The following ARHGAP31 variants were observed in gnomAD, a reference collection of about 807,000 sequenced individuals.
ARHGAP31 encodes the protein Rho GTPase activating protein 31.
ARHGAP31 carries 34 observed loss-of-function variants against 113.9 expected under a neutral mutation model. That is an observed-to-expected ratio of 0.30 (90% CI 0.23 to 0.40). The LOEUF is 0.40. Among genes scored for constraint, ARHGAP31 ranks in the 10% least tolerant of loss-of-function variants. ARHGAP31 has a pLI of 1.00. For synonymous variants in ARHGAP31, 650 were observed against 684.8 expected (o/e 0.95, Z 0.79); for missense variants, 1,548 against 1,767.1 (o/e 0.88, Z 2.22).
At chr3:119,392,858 C>A (rs755565051) in intron 7 of ARHGAP31, among the ~76,000 whole-genome samples, 5 of 152,236 alleles carry the variant, frequency 3.3e-5, no homozygotes, top group Non-Finnish European at 5.9e-5. Context: ...CACCAGCCCT[C>A]TCTTTGCCTG....
chr3:119,311,338 T>G (rs1299565880), intron 1 of ARHGAP31, among the ~76,000 whole-genome samples: 1 of 152,190 alleles, frequency 6.6e-6, no homozygotes, highest in African/African-American at 2.4e-5. Flanking sequence ...CCTTCCTCAT[T>G]CCTTGACTCA....
chr3:119,301,148 C>T (rs1223737338), intron 1 of ARHGAP31, among the ~76,000 whole-genome samples: 1 of 152,218 alleles, frequency 6.6e-6, no homozygotes, highest in Non-Finnish European at 1.5e-5. Context: ...CTTCCACATG[C>T]CTCCCTTCTG....
At chr3:119,321,295 A>T (rs553145856) in intron 1 of ARHGAP31, among the ~76,000 whole-genome samples, 18 of 140,932 alleles carry the variant, frequency 1.3e-4, no homozygotes, top group African/African-American at 4.4e-4. Context: ...ATATATATAT[A>T]GTATATATAT....
At chr3:119,298,752 C>T in intron 1 of ARHGAP31, 1 of 163,700 alleles carries the variant, frequency 6.1e-6, no homozygotes, top group South Asian at 1.5e-4. Context: ...CGCCCAATGC[C>T]TGCCCAAGGA....
Position 119,350,151 on chromosome 3 carries a change from A to G in ARHGAP31, c.101-15165A>G, listed in dbSNP as rs553872079. ...ACTGAACAAGCTCATGGAAGAAATG[A>G]ATTGCCTGAAAAGGGTTACAAACTG... On this transcript the variant is annotated intron_variant, in intron 1 of 11. Coordinates refer to ENST00000264245, the MANE Select transcript of ARHGAP31 (RefSeq NM_020754.4). Among the ~76,000 whole-genome samples the G allele has an allele frequency of 3.3e-5, 5 of 152,300 alleles. No individual in the cohort carries two copies. The East Asian group carries it at 9.6e-4, about 29-fold the overall frequency.
intron 1 of ARHGAP31, among the ~76,000 whole-genome samples, chr3:119,318,433 T>C (rs529399035): frequency 1.3e-5 from 2 of 152,366 alleles, no homozygotes; most frequent in East Asian, 3.9e-4. Context: ...TGCTCTGATC[T>C]TTTTAAAAAC....
intron 1 of ARHGAP31, among the ~76,000 whole-genome samples, chr3:119,349,789 T>C (rs1470578165): frequency 6.6e-6 from 1 of 152,184 alleles, no homozygotes; most frequent in Non-Finnish European, 1.5e-5. Context: ...CAGGGGAATC[T>C]CCTGGAGTCT....
chr3:119,378,440 T>C (rs1183231275), intron 3 of ARHGAP31, among the ~76,000 whole-genome samples: 1 of 152,196 alleles, frequency 6.6e-6, no homozygotes, highest in Non-Finnish European at 1.5e-5. Flanking sequence ...GCCCCGCCTC[T>C]TGGAGAACAA....
At chr3:119,354,499 TGTGTGTG>T (rs1426403238) in intron 1 of ARHGAP31, among the ~76,000 whole-genome samples, 1 of 147,098 alleles carries the variant, frequency 6.8e-6, no homozygotes, top group Non-Finnish European at 1.5e-5. Flanking sequence ...TGTGTGTGTG[TGTGTGTG>T]GTTTTTATGT....
chr3:119,357,073 T>C (rs978837412), intron 1 of ARHGAP31, among the ~76,000 whole-genome samples: 5 of 152,328 alleles, frequency 3.3e-5, no homozygotes, highest in Non-Finnish European at 5.9e-5. Context: ...CAAACTTAGG[T>C]ACCTTTGCCA....
intron 1 of ARHGAP31, among the ~76,000 whole-genome samples, chr3:119,316,358 C>G (rs1209349379): frequency 6.6e-6 from 1 of 152,210 alleles, no homozygotes; most frequent in South Asian, 2.1e-4. Context: ...ATAACTTTCT[C>G]TAAACAGAAC....
rs142601785 is a variant in ARHGAP31, at chr3:119,331,052, C to A, written c.101-34264C>A. On this transcript the variant is annotated intron_variant, in intron 1 of 11. Transcript: ENST00000264245. ...TGGTGGGAGTGAGGTTGTTTATAAT[C>A]TTTCAGATTAAAATGTCATTGGGTG... Among the ~76,000 whole-genome samples the A allele has an allele frequency of 9.1e-3, 1,390 of 152,184 alleles. 33 individuals are homozygous for A. The highest frequency in any genetic ancestry group is 0.032 in the African/African-American group (1,318 of 41,508).
chr3:119,384,367 A>T (rs150118547), intron 6 of ARHGAP31, among the ~76,000 whole-genome samples: 41 of 152,352 alleles, frequency 2.7e-4, no homozygotes, highest in African/African-American at 8.2e-4. Context: ...GTCTAATGCC[A>T]TACTATTTTC....
At chr3:119,393,382 A>G (rs1188630469) in intron 7 of ARHGAP31, 85 bp from the exon 8 acceptor site, 6 of 1,526,422 alleles carry the variant, frequency 3.9e-6, no homozygotes, top group South Asian at 2.3e-5. Context: ...AACTGAGGAC[A>G]TAACTGGAAT....
intron 1 of ARHGAP31, among the ~76,000 whole-genome samples, chr3:119,327,311 G>C (rs2079854474): frequency 6.6e-6 from 1 of 152,104 alleles, no homozygotes; most frequent in South Asian, 2.1e-4. Context: ...GGGAGGTTGA[G>C]GTGGGCGGAT....
At chr3:119,384,812 C>T (rs1577022858) in intron 6 of ARHGAP31, among the ~76,000 whole-genome samples, 1 of 152,146 alleles carries the variant, frequency 6.6e-6, no homozygotes, top group African/African-American at 2.4e-5. Flanking sequence ...GCAATCACTC[C>T]ACATTTTCCT....
intron 1 of ARHGAP31, among the ~76,000 whole-genome samples, chr3:119,355,995 A>G (rs772606250): frequency 1.3e-5 from 2 of 152,240 alleles, no homozygotes. Context: ...CATTGTCCCC[A>G]AGGAGCTCAC....
At chr3:119,313,864 A>G (rs1407996306) in intron 1 of ARHGAP31, among the ~76,000 whole-genome samples, 1 of 152,248 alleles carries the variant, frequency 6.6e-6, no homozygotes, top group East Asian at 1.9e-4. Flanking sequence ...TAGCCAGAGT[A>G]TATCTTAAGG....
chr3:119,415,811 G>T lies in ARHGAP31; in HGVS notation c.3882G>T (p.Ser1294=). 2 of 1,614,224 alleles carry T rather than the reference G, an allele frequency of 1.2e-6. No homozygotes were observed. Among genetic ancestry groups the T allele is most frequent in the East Asian group, 2.2e-5 (1 of 44,886 alleles). ...CTACCCTTTCTCCAGAACCAGGCTCGTCTAACCTGCTCTCCACCCAGGATG... is the reference window on the plus strand; with the variant it reads ...CTACCCTTTCTCCAGAACCAGGCTCTTCTAACCTGCTCTCCACCCAGGATG... The part of the protein sequence containing the change: ...EGPTLSPEPG[S]SNLLSTQDAV... The change falls in exon 12 of 12, where the codon TCG becomes TCT. Residue 1294 remains serine (S), a synonymous_variant. Transcript: ENST00000264245.
Sources: gnomAD v4.1 joint callset for allele counts (sites outside exome capture counted in the v4.1 genomes callset) on GRCh38, gnomAD v4.1.1 for gene constraint, MANE v1.5 for transcripts, NCBI Gene and HGNC (gene_info 2026-07-23, HGNC 2026-07-21) for gene names.